Variants in GTF2I observed in about 807,000 individuals in gnomAD.
GTF2I encodes the protein general transcription factor IIi.
In GTF2I, 12 loss-of-function variants were observed where a neutral mutation model predicts 67.6. That is an observed-to-expected ratio of 0.18 (90% CI 0.11 to 0.29). The LOEUF (loss-of-function observed/expected upper bound fraction) is 0.29, where lower values mean the gene tolerates loss of function less well. Among genes scored for constraint, GTF2I ranks in the 10% least tolerant of loss-of-function variants. The pLI, the probability that GTF2I is intolerant of heterozygous loss-of-function variation, is 1.00. For missense variants in GTF2I, 271 were observed against 580.1 expected, an observed-to-expected ratio of 0.47 and a Z score of 5.47; for synonymous variants, 149 against 197.0, an observed-to-expected ratio of 0.76 and a Z score of 2.04.
intron 7 of GTF2I, among the ~76,000 whole-genome samples, chr7:74,705,579 T>C (rs1790539304): frequency 6.7e-6 from 1 of 149,442 alleles, no homozygotes; most frequent in Non-Finnish European, 1.5e-5. Flanking sequence ...ATTTTTGAGA[T>C]GGAGTTTTGC....
At chr7:74,725,672 C>T (rs1793675213) in intron 12 of GTF2I, among the ~76,000 whole-genome samples, 1 of 151,880 alleles carries the variant, frequency 6.6e-6, no homozygotes, top group Non-Finnish European at 1.5e-5. Flanking sequence ...GGAGGGAGAC[C>T]CTGTCTTAAA....
chr7:74,707,139 C>T (rs373435725), intron 8 of GTF2I, among the ~76,000 whole-genome samples: 1 of 152,216 alleles, frequency 6.6e-6, no homozygotes, highest in Non-Finnish European at 1.5e-5. Flanking sequence ...CATAAGCCAC[C>T]GTGCCCGGCC....
chr7:74,672,911 A>G (rs1430985467), intron 1 of GTF2I, among the ~76,000 whole-genome samples: 1 of 152,140 alleles, frequency 6.6e-6, no homozygotes, highest in Non-Finnish European at 1.5e-5. Flanking sequence ...CCCAGGCTGG[A>G]GTGCAGTGGC....
At chr7:74,708,435 T>A (rs1791069484) in intron 8 of GTF2I, among the ~76,000 whole-genome samples, 1 of 152,202 alleles carries the variant, frequency 6.6e-6, no homozygotes, top group African/African-American at 2.4e-5. Flanking sequence ...GCTTTCCATC[T>A]GACTTCTGAG....
intron 3 of GTF2I, among the ~76,000 whole-genome samples, chr7:74,696,516 G>A (rs1371463590): frequency 4.0e-5 from 6 of 148,716 alleles, no homozygotes; most frequent in East Asian, 2.0e-4. Context: ...TTTTCGAGAC[G>A]GAGTCTCGCT....
chr7:74,750,387 G>A (rs1298759487), intron 26 of GTF2I, among the ~76,000 whole-genome samples: 10 of 97,440 alleles, frequency 1.0e-4, no homozygotes, highest in African/African-American at 1.8e-4. Context: ...GGAGGAGATC[G>A]TGCCATTGCA....
At chr7:74,721,817 A>G (rs1452152304) in intron 12 of GTF2I, among the ~76,000 whole-genome samples, 1 of 152,124 alleles carries the variant, frequency 6.6e-6, no homozygotes, top group African/African-American at 2.4e-5. Context: ...ATGTTTTCCA[A>G]TAATCTGAAA....
intron 5 of GTF2I, 66 bp from the exon 6 acceptor site, chr7:74,700,540 A>G: frequency 6.3e-7 from 1 of 1,597,816 alleles, no homozygotes; most frequent in Non-Finnish European, 8.6e-7. Context: ...GAAGTCATTT[A>G]AATGTATGCT....
chr7:74,723,855 A>G lies in GTF2I; in HGVS notation c.943+4914A>G, dbSNP rs587749438. On this transcript the variant is annotated intron_variant, in intron 12 of 34. Transcript: ENST00000573035. ...TGGTGACTATGTTGAGAAAAGGGGG[A>G]AAAAAAAAAAAAGAGAAGACCTAGA... Among the ~76,000 whole-genome samples, 198 of 139,784 alleles carry G rather than the reference A, an allele frequency of 1.4e-3. No homozygotes were observed. In the South Asian group the frequency reaches 0.015, roughly 11 times the overall value. 91.7% of individuals were successfully genotyped at this position (139,784 alleles called of 152,430 possible). A position where few individuals can be genotyped will look rare whatever the true frequency, so the allele number is the denominator to read the frequency against.
At chr7:74,681,919 A>G (rs1293787702) in intron 1 of GTF2I, among the ~76,000 whole-genome samples, 1 of 152,162 alleles carries the variant, frequency 6.6e-6, no homozygotes, top group African/African-American at 2.4e-5. Context: ...TCAAAAAAAA[A>G]AAAAAAGTAA....
chr7:74,665,676 A>T (rs1316207560), intron 1 of GTF2I, among the ~76,000 whole-genome samples: 3 of 152,366 alleles, frequency 2.0e-5, no homozygotes, highest in African/African-American at 7.2e-5. Flanking sequence ...ATTAGTCATA[A>T]AAGTACTATT....
intron 1 of GTF2I, among the ~76,000 whole-genome samples, chr7:74,673,106 C>T (rs1361931846): frequency 4.6e-5 from 7 of 152,094 alleles, no homozygotes; most frequent in African/African-American, 1.4e-4. Context: ...ATGATCTGCC[C>T]GCCTTGGCCT....
intron 6 of GTF2I, among the ~76,000 whole-genome samples, chr7:74,704,687 A>G (rs943648960): frequency 8.6e-5 from 13 of 151,882 alleles, no homozygotes; most frequent in Non-Finnish European, 1.8e-4. Context: ...CAATTTCTAC[A>G]AAAAATAGAA....
At chr7:74,680,118 G>GTATGTATGTATATACACATATATATATA (rs1787128223) in intron 1 of GTF2I, among the ~76,000 whole-genome samples, 5 of 105,736 alleles carry the variant, frequency 4.7e-5, no homozygotes, top group Admixed American at 2.4e-4. Flanking sequence ...ATATATATAT[G>GTATGTATGTATATACACATATATATATA]TATGTATGTA....
At chr7:74,692,815 T>G (rs76368385) in intron 3 of GTF2I, among the ~76,000 whole-genome samples, 8 of 152,182 alleles carry the variant, frequency 5.3e-5, no homozygotes, top group African/African-American at 1.7e-4. Flanking sequence ...CAGGCTAGAG[T>G]GCAATGGTGC....
At chr7:74,727,934 T>G (rs1275107990) in intron 12 of GTF2I, 1 of 152,260 alleles carries the variant, frequency 6.6e-6, no homozygotes, top group Non-Finnish European at 1.5e-5. Context: ...CTGTGCTGAC[T>G]GAATCAACAG....
At position 74,716,996 on chromosome 7, in the gene GTF2I, T is replaced by G. The variant is rs782160749; in HGVS notation, c.880+46T>G. The G allele has an allele frequency of 4.5e-6, 7 of 1,547,596 alleles. No homozygotes were observed. The South Asian group carries it at 7.9e-5, about 17-fold the overall frequency. ...CATATTTTCCACTATTTGTTGTATG[T>G]TTATTCTATTTTATAGATTCTATTA... On this transcript the variant is annotated intron_variant, in intron 11 of 34. Coordinates refer to ENST00000573035, the MANE Select transcript of GTF2I (RefSeq NM_032999.4).
intron 9 of GTF2I, among the ~76,000 whole-genome samples, chr7:74,713,282 C>T (rs1791853073): frequency 2.0e-5 from 3 of 152,052 alleles, no homozygotes; most frequent in Admixed American, 2.0e-4. Flanking sequence ...ATATAACAAC[C>T]ATTAGTTTGT....
intron 14 of GTF2I, among the ~76,000 whole-genome samples, chr7:74,732,036 A>G (rs2131521746): frequency 6.7e-6 from 1 of 148,954 alleles, no homozygotes; most frequent in East Asian, 2.0e-4. Context: ...TTGATAAGAT[A>G]GTAAAGTGCT....
Sources: gnomAD v4.1 joint callset for allele counts (sites outside exome capture counted in the v4.1 genomes callset) on GRCh38, gnomAD v4.1.1 for gene constraint, MANE v1.5 for transcripts, NCBI Gene and HGNC (gene_info 2026-07-23, HGNC 2026-07-21) for gene names.